SMYD2: variants seen among roughly 807,000 people sequenced by gnomAD.
SMYD2 encodes SET and MYND domain containing 2.
SMYD2 carries 53 observed loss-of-function variants against 59.1 expected under a neutral mutation model. The ratio of observed to expected loss-of-function variants is 0.90; its 90% CI spans 0.72 to 1.13. The LOEUF is 1.13. Ranked by LOEUF, SMYD2 falls within the 50% of genes most tolerant of loss-of-function variation. The pLI, the probability that SMYD2 is intolerant of heterozygous loss-of-function variation, is 0.00. For synonymous variants in SMYD2, 208 were observed against 198.8 expected (o/e 1.05, Z -0.39); for missense variants, 494 against 544.7 (o/e 0.91, Z 0.93).
At chr1:214,330,857 C>T (rs771828853) in intron 8 of SMYD2, 93 bp from the exon 9 acceptor site, 46 of 1,575,630 alleles carry the variant, frequency 2.9e-5, no homozygotes, top group African/African-American at 2.2e-4. Flanking sequence ...CAGTGTCGAC[C>T]GCTGTGTGGG....
At chr1:214,284,795 C>T (rs868339079) in intron 1 of SMYD2, among the ~76,000 whole-genome samples, 3 of 152,170 alleles carry the variant, frequency 2.0e-5, no homozygotes, top group South Asian at 2.1e-4. Flanking sequence ...GGATTACAGG[C>T]GTGAGCCACC....
intron 1 of SMYD2, among the ~76,000 whole-genome samples, chr1:214,287,608 AG>A: frequency 6.6e-6 from 1 of 150,684 alleles, no homozygotes; most frequent in African/African-American, 2.4e-5. Flanking sequence ...AAAAAAAAAA[AG>A]ATGGCCTGTT....
intron 10 of SMYD2, 29 bp downstream of exon 10, chr1:214,332,221 A>G (rs776979743): frequency 6.2e-7 from 1 of 1,609,836 alleles, no homozygotes; most frequent in Non-Finnish European, 8.5e-7. Flanking sequence ...CTAATCATCC[A>G]CGGAGTGGAA....
rs773989491 is a variant in SMYD2 at position 214,324,751 on chromosome 1, A to C, written c.602+43A>C. ...TCATTTCTTTCCTTTTTACTTACTT[A>C]ACACTAATTTGATTTTTTTTTCATT... On this transcript the variant is annotated intron_variant, in intron 6 of 11. Transcript: ENST00000366957. 7 of 1,547,524 alleles carry C rather than the reference A, an allele frequency of 4.5e-6. No homozygotes were observed. In the East Asian group the frequency reaches 1.6e-4, roughly 35 times the overall value.
chr1:214,291,612 T>C (rs1320475510), intron 1 of SMYD2, among the ~76,000 whole-genome samples: 1 of 152,252 alleles, frequency 6.6e-6, no homozygotes, highest in African/African-American at 2.4e-5. Flanking sequence ...GTAAAAACTT[T>C]GACTAAATAC....
intron 11 of SMYD2, among the ~76,000 whole-genome samples, chr1:214,336,481 G>A (rs1467290080): frequency 6.6e-6 from 1 of 152,186 alleles, no homozygotes; most frequent in Non-Finnish European, 1.5e-5. Flanking sequence ...GCAGTGAGCG[G>A]AGATCGCACC....
intron 1 of SMYD2, among the ~76,000 whole-genome samples, chr1:214,299,665 G>A (rs1031240534): frequency 6.6e-6 from 1 of 152,074 alleles, no homozygotes; most frequent in African/African-American, 2.4e-5. Context: ...GGAGTGCAGT[G>A]GCGCTGTCCT....
At chr1:214,296,250 C>T (rs1479974022) in intron 1 of SMYD2, among the ~76,000 whole-genome samples, 1 of 152,188 alleles carries the variant, frequency 6.6e-6, no homozygotes, top group Non-Finnish European at 1.5e-5. Context: ...TCATGGTTTC[C>T]GATTTTTAAA....
intron 1 of SMYD2, among the ~76,000 whole-genome samples, chr1:214,285,987 T>C (rs1656532110): frequency 1.3e-5 from 2 of 152,252 alleles, no homozygotes; most frequent in Non-Finnish European, 2.9e-5. Flanking sequence ...CACAGTCTTA[T>C]GACCACCTTT....
intron 2 of SMYD2, among the ~76,000 whole-genome samples, chr1:214,313,515 A>G (rs1657032585): frequency 6.6e-6 from 1 of 150,900 alleles, no homozygotes; most frequent in Non-Finnish European, 1.5e-5. Flanking sequence ...TCCCATCTAA[A>G]AAAAAAAAAA....
chr1:214,292,532 G>A lies in SMYD2; in HGVS notation c.173+11105G>A, dbSNP rs1180746630. Among the ~76,000 whole-genome samples the A allele has an allele frequency of 2.6e-5, 4 of 152,118 alleles. No individual in the cohort carries two copies. The East Asian group carries it at 5.8e-4, about 22-fold the overall frequency. ...TCTTACTCATCTTTGTAACCCCAGCGTTTAGCAAGAAGACTAGCCTCTGTT... is the reference window on the plus strand; with the variant it reads ...TCTTACTCATCTTTGTAACCCCAGCATTTAGCAAGAAGACTAGCCTCTGTT... On this transcript the variant is annotated intron_variant, in intron 1 of 11. Transcript: ENST00000366957.
In SMYD2 at chr1:214,318,121, G is replaced by T. The variant is rs1657113953; in HGVS notation, c.391G>T (p.Val131Leu). ...ERTPSEKLLA[V>L]KEFESHLDKL... is the part of the protein sequence containing the mutation. The stretch of plus-strand genomic sequence containing the variant: ...AACACCTTCGGAAAAATTGTTAGCT[G>T]TGAAGGAGTTTGAATCACGTAAGTC... The change falls in exon 4 of 12, where the codon GTG becomes TTG. Residue 131 changes from valine (V) to leucine (L), a missense_variant. Val to Leu is a conservative substitution (Grantham distance 32). Transcript: ENST00000366957. This position sits in a 1 kb window ranked among gnomAD's most constrained non-coding sequence, Gnocchi z 5.4. The T allele has an allele frequency of 6.2e-7, 1 of 1,613,960 alleles. No individual in the cohort carries two copies. The highest frequency in any genetic ancestry group is 8.5e-7 in the Non-Finnish European group (1 of 1,179,996).
intron 6 of SMYD2, chr1:214,327,379 G>GT: frequency 2.4e-6 from 1 of 419,154 alleles, no homozygotes; most frequent in East Asian, 4.4e-5. Context: ...GTGTTTTTTG[G>GT]TTTTGGCTTA....
At chr1:214,292,121 A>AGAGAGAG (rs1553254071) in intron 1 of SMYD2, among the ~76,000 whole-genome samples, 3 of 146,732 alleles carry the variant, frequency 2.0e-5, no homozygotes, top group East Asian at 2.0e-4. Flanking sequence ...AGAGAGAGAG[A>AGAGAGAG]AGCCCACCTC....
At chr1:214,282,926 A>G (rs1656472883) in intron 1 of SMYD2, among the ~76,000 whole-genome samples, 1 of 152,120 alleles carries the variant, frequency 6.6e-6, no homozygotes, top group Admixed American at 6.6e-5. Context: ...AGTCTGCAGC[A>G]GCGTGGGTGT....
At chr1:214,314,503 C>T (rs940236257) in intron 2 of SMYD2, among the ~76,000 whole-genome samples, 8 of 152,142 alleles carry the variant, frequency 5.3e-5, no homozygotes, top group Admixed American at 4.6e-4. Flanking sequence ...CTGCAGAAAG[C>T]CATGAGGTGC....
chr1:214,287,687 A>C (rs1656573386), intron 1 of SMYD2, among the ~76,000 whole-genome samples: 1 of 151,402 alleles, frequency 6.6e-6, no homozygotes, highest in Non-Finnish European at 1.5e-5. Flanking sequence ...GTCTGGGATT[A>C]GTTTTCAGTA....
chr1:214,307,798 G>A (rs1490447859), intron 2 of SMYD2, among the ~76,000 whole-genome samples: 1 of 152,168 alleles, frequency 6.6e-6, no homozygotes, highest in African/African-American at 2.4e-5. Context: ...CGTGCAATGA[G>A]GGGTGTCCTC....
chr1:214,289,959 C>T (rs1428518251), intron 1 of SMYD2, among the ~76,000 whole-genome samples: 1 of 152,190 alleles, frequency 6.6e-6, no homozygotes, highest in African/African-American at 2.4e-5. Flanking sequence ...GGGTGCAGTC[C>T]TTTGGCAGGG....
Sources: gnomAD v4.1 joint callset for allele counts (sites outside exome capture counted in the v4.1 genomes callset) on GRCh38, gnomAD v4.1.1 for gene constraint, Gnocchi (gnomAD v3.1) non-coding constraint, MANE v1.5 for transcripts, NCBI Gene and HGNC (gene_info 2026-07-23, HGNC 2026-07-21) for gene names.